Variants in KAT6B observed in about 807,000 individuals in gnomAD.
KAT6B encodes histone acetyltransferase KAT6B.
In KAT6B, 10 loss-of-function variants were observed where a neutral mutation model predicts 187.5. The ratio of observed to expected loss-of-function variants is 0.05; its 90% CI spans 0.03 to 0.09. KAT6B has a LOEUF of 0.09. Ranked by LOEUF, KAT6B falls within the 10% of genes least tolerant of loss-of-function variation. KAT6B has a pLI of 1.00. For synonymous variants in KAT6B, 861 were observed against 926.8 expected, an observed-to-expected ratio of 0.93 and a Z score of 1.29; for missense variants, 1,952 against 2,558.9, an observed-to-expected ratio of 0.76 and a Z score of 5.12.
chr10:74,987,469 T>A (rs974344284), intron 12 of KAT6B, among the ~76,000 whole-genome samples: 1 of 151,996 alleles, frequency 6.6e-6, no homozygotes, highest in Non-Finnish European at 1.5e-5. Flanking sequence ...CATATTCTCA[T>A]GTGTCAGCTG....
At chr10:74,946,688 C>T (rs989074377) in intron 3 of KAT6B, among the ~76,000 whole-genome samples, 5 of 152,064 alleles carry the variant, frequency 3.3e-5, no homozygotes, top group African/African-American at 9.7e-5. Flanking sequence ...TTAATCAAAT[C>T]GTGGTGGTAG....
intron 3 of KAT6B, among the ~76,000 whole-genome samples, chr10:74,957,423 T>A (rs1181976127): frequency 6.6e-6 from 1 of 152,242 alleles, no homozygotes; most frequent in Admixed American, 6.5e-5. Flanking sequence ...CTTTCTATTA[T>A]TGGACAGAGC....
intron 4 of KAT6B, among the ~76,000 whole-genome samples, chr10:74,961,237 T>G (rs1017405402): frequency 2.6e-5 from 4 of 152,168 alleles, no homozygotes; most frequent in African/African-American, 9.7e-5. Flanking sequence ...CCCCACGATA[T>G]CCCTGTTTTA....
intron 3 of KAT6B, among the ~76,000 whole-genome samples, chr10:74,923,839 G>C (rs139212744): frequency 6.6e-6 from 1 of 152,160 alleles, no homozygotes; most frequent in Non-Finnish European, 1.5e-5. Context: ...TTGACTTAAC[G>C]TTTTAACAAG....
Position 74,938,085 on chromosome 10 carries a change from A to G in KAT6B, c.622-21885A>G, listed in dbSNP as rs562446984. On this transcript the variant is annotated intron_variant, in intron 3 of 17. Transcript: ENST00000287239. ...CTCAGCCTCCCAGAGTGCTGGAATT[A>G]TAGACATGAGCCGCCTCACCTGGCT... Among the ~76,000 whole-genome samples, 13 of 152,314 alleles carry G rather than the reference A, an allele frequency of 8.5e-5. No homozygotes were observed. In the South Asian group the frequency reaches 1.9e-3, roughly 22 times the overall value.
chr10:74,987,332 C>T (rs1190301160), intron 12 of KAT6B, among the ~76,000 whole-genome samples: 1 of 152,050 alleles, frequency 6.6e-6, no homozygotes, highest in Non-Finnish European at 1.5e-5. Context: ...ACTCTGGAGG[C>T]CGAGACAGGA....
At chr10:74,897,601 G>C (rs1846081016) in intron 3 of KAT6B, among the ~76,000 whole-genome samples, 1 of 152,110 alleles carries the variant, frequency 6.6e-6, no homozygotes, top group Non-Finnish European at 1.5e-5. Flanking sequence ...CCCTAGCAAG[G>C]CATGTAGTTT....
At chr10:74,905,651 G>A (rs1846704644) in intron 3 of KAT6B, among the ~76,000 whole-genome samples, 1 of 152,192 alleles carries the variant, frequency 6.6e-6, no homozygotes, top group Non-Finnish European at 1.5e-5. Flanking sequence ...TCTCTGTAAA[G>A]CATTTAATAC....
At chr10:74,996,831 G>C (rs1185997198) in intron 13 of KAT6B, among the ~76,000 whole-genome samples, 1 of 150,314 alleles carries the variant, frequency 6.7e-6, no homozygotes, top group South Asian at 2.1e-4. Flanking sequence ...CTGATCTTTG[G>C]ATGGTCAAGG....
intron 13 of KAT6B, among the ~76,000 whole-genome samples, chr10:75,011,136 T>C (rs1489347718): frequency 6.6e-6 from 1 of 152,124 alleles, no homozygotes; most frequent in Non-Finnish European, 1.5e-5. Context: ...AACTGAAGAA[T>C]TAAGTTGTCT....
At position 74,997,802 on chromosome 10, in the gene KAT6B, T is replaced by A. The variant is rs59698297; in HGVS notation, c.2629+8690T>A. 7.8e-3 allele frequency among the ~76,000 whole-genome samples: 1,190 copies of A among 152,136 alleles called. 23 individuals carry two copies. The highest frequency in any genetic ancestry group is 0.027 in the African/African-American group (1,128 of 41,502). The stretch of plus-strand genomic sequence containing the variant: ...AAAAACATCTAATGGTTTTTTTTTT[T>A]AATAAAATTTTATGTATTTAAAAAC... On this transcript the variant is annotated intron_variant, in intron 13 of 17. Transcript: ENST00000287239.
chr10:74,939,050 AACACACAC>A (rs112617639), intron 3 of KAT6B, among the ~76,000 whole-genome samples: 21 of 145,778 alleles, frequency 1.4e-4, no homozygotes, highest in African/African-American at 4.3e-4. Context: ...TTATTTTCTT[AACACACAC>A]ACACACACAC....
At chr10:74,857,632 G>T (rs538473615) in intron 3 of KAT6B, among the ~76,000 whole-genome samples, 17 of 152,280 alleles carry the variant, frequency 1.1e-4, no homozygotes, top group South Asian at 2.1e-4. Context: ...TGCCACACAG[G>T]GTTTAGTATT....
At chr10:74,843,529 T>C in intron 3 of KAT6B, 51 bp downstream of exon 3, 1 of 1,606,978 alleles carries the variant, frequency 6.2e-7, no homozygotes, top group Middle Eastern at 2.2e-4. Flanking sequence ...CTTTTGTCTT[T>C]TACGGTTTCA....
At chr10:75,005,048 T>C (rs748931056) in intron 13 of KAT6B, among the ~76,000 whole-genome samples, 32 of 152,092 alleles carry the variant, frequency 2.1e-4, no homozygotes, top group Non-Finnish European at 3.4e-4. Context: ...AAGATTTTGC[T>C]CTGCTTGGTT....
chr10:74,962,583 A>G (rs1357450648), intron 4 of KAT6B, among the ~76,000 whole-genome samples: 1 of 152,190 alleles, frequency 6.6e-6, no homozygotes, highest in African/African-American at 2.4e-5. Flanking sequence ...AGCAGCATAA[A>G]ACCAGAAAAA....
At chr10:74,874,037 A>G (rs1260819013) in intron 3 of KAT6B, among the ~76,000 whole-genome samples, 2 of 152,204 alleles carry the variant, frequency 1.3e-5, no homozygotes, top group African/African-American at 2.4e-5. Context: ...AGAAAAAAAA[A>G]AGAGAAACAG....
chr10:74,937,230 T>C (rs939582928), intron 3 of KAT6B, among the ~76,000 whole-genome samples: 9 of 152,218 alleles, frequency 5.9e-5, no homozygotes, highest in Non-Finnish European at 2.9e-5. Flanking sequence ...AAATGTAGCT[T>C]CGGAGCCAAA....
Position 75,029,260 on chromosome 10 carries a change from T to C in KAT6B, c.4436T>C (p.Val1479Ala). The change falls in exon 18 of 18, where the codon GTC becomes GCC. Residue 1479 changes from valine to alanine, a missense_variant. This residue lies in a region of KAT6B where 758 missense variants were observed against 891.4 expected (regional missense o/e 0.85). Coordinates refer to ENST00000287239, the MANE Select transcript of KAT6B (RefSeq NM_012330.4). This position sits in a 1 kb window ranked among gnomAD's most constrained non-coding sequence, Gnocchi z 6.2. ...SNPEVLMDCG[V>A]DLTASCNSEP... is the part of the protein sequence containing the mutation. The stretch of plus-strand genomic sequence containing the variant: ...CCAGAGGTCTTAATGGACTGTGGCG[T>C]CGACCTGACAGCTTCTTGTAACAGT... The C allele has an allele frequency of 6.2e-7, 1 of 1,614,130 alleles. No homozygotes were observed. Among genetic ancestry groups the C allele is most frequent in the Non-Finnish European group, 8.5e-7 (1 of 1,180,034 alleles).
Sources: gnomAD v4.1 joint callset for allele counts (sites outside exome capture counted in the v4.1 genomes callset) on GRCh38, gnomAD v4.1.1 for gene constraint, gnomAD v4.1.1 regional missense constraint, Gnocchi (gnomAD v3.1) non-coding constraint, MANE v1.5 for transcripts, NCBI Gene and HGNC (gene_info 2026-07-23, HGNC 2026-07-21) for gene names.